LRMDA: variants seen among roughly 807,000 people sequenced by gnomAD.
LRMDA encodes the protein leucine rich melanocyte differentiation associated.
In LRMDA, 18 loss-of-function variants were observed where a neutral mutation model predicts 29.8. The observed-to-expected ratio is 0.60, with a 90% CI of 0.42 to 0.90. The LOEUF is 0.90. LRMDA is among the 40% of genes least tolerant of loss of function. The pLI, the probability that LRMDA is intolerant of heterozygous loss-of-function variation, is 0.00. For missense variants in LRMDA, 273 were observed against 273.9 expected, an observed-to-expected ratio of 1.00 and a Z score of 0.02; for synonymous variants, 125 against 109.4, an observed-to-expected ratio of 1.14 and a Z score of -0.89.
chr10:75,508,612 T>C (rs1196851297), intron 2 of LRMDA, among the ~76,000 whole-genome samples: 1 of 152,208 alleles, frequency 6.6e-6, no homozygotes, highest in East Asian at 1.9e-4. Flanking sequence ...TGATTGATAA[T>C]CTAAGCATTA....
chr10:76,449,259 A>C (rs1489899048), intron 6 of LRMDA, among the ~76,000 whole-genome samples: 2 of 151,838 alleles, frequency 1.3e-5, no homozygotes. Context: ...ACAATTGTAT[A>C]ATATTTTTCA....
rs576837012 is a variant in LRMDA at position 75,618,031 on chromosome 10, A to G, written c.131+179537A>G. ...TGATGAATGTAGAGAAGCTTTGTGAATATCAACACACTGTACTCATCTAAG... is the reference window on the plus strand; with the variant it reads ...TGATGAATGTAGAGAAGCTTTGTGAGTATCAACACACTGTACTCATCTAAG... On this transcript the variant is annotated intron_variant, in intron 2 of 6. Transcript: ENST00000611255. Among the ~76,000 whole-genome samples the G allele has an allele frequency of 4.6e-5, 7 of 152,304 alleles. No homozygotes were observed. The East Asian group carries it at 1.4e-3, about 29-fold the overall frequency.
chr10:76,359,867 T>C (rs1841290033), intron 6 of LRMDA, among the ~76,000 whole-genome samples: 1 of 152,212 alleles, frequency 6.6e-6, no homozygotes, highest in Admixed American at 6.5e-5. Flanking sequence ...AGAGCTTTGC[T>C]TCAAAGTGAA....
intron 6 of LRMDA, among the ~76,000 whole-genome samples, chr10:76,554,611 C>G (rs1461014003): frequency 6.6e-6 from 1 of 152,102 alleles, no homozygotes. Flanking sequence ...GCTTCCAGGC[C>G]CAAAGAAACA....
intron 5 of LRMDA, among the ~76,000 whole-genome samples, chr10:76,321,383 G>A (rs1840768528): frequency 6.6e-6 from 1 of 152,106 alleles, no homozygotes; most frequent in Non-Finnish European, 1.5e-5. Context: ...TATGATGAGT[G>A]GAAAAATCGT....
intron 6 of LRMDA, among the ~76,000 whole-genome samples, chr10:76,487,556 G>T (rs371033471): frequency 4.6e-5 from 7 of 151,964 alleles, no homozygotes; most frequent in African/African-American, 1.4e-4. Context: ...AATTAGACTG[G>T]ATTTGAGTAT....
At chr10:76,396,206 A>C (rs554067665) in intron 6 of LRMDA, among the ~76,000 whole-genome samples, 2 of 152,318 alleles carry the variant, frequency 1.3e-5, no homozygotes, top group African/African-American at 4.8e-5. Context: ...TAGAAACGCT[A>C]CATGGTAGGG....
intron 2 of LRMDA, among the ~76,000 whole-genome samples, chr10:75,932,534 T>C (rs1027529475): frequency 6.6e-6 from 1 of 151,874 alleles, no homozygotes; most frequent in Non-Finnish European, 1.5e-5. Context: ...ATCACTTGAG[T>C]CCAAGAATTC....
chr10:76,456,221 G>C (rs928204414), intron 6 of LRMDA, among the ~76,000 whole-genome samples: 3 of 152,194 alleles, frequency 2.0e-5, no homozygotes, highest in African/African-American at 4.8e-5. Context: ...CTAGAGTGGG[G>C]TGTGTTGAGA....
chr10:75,501,035 C>G (rs1167238040), intron 2 of LRMDA, among the ~76,000 whole-genome samples: 1 of 152,196 alleles, frequency 6.6e-6, no homozygotes, highest in South Asian at 2.1e-4. Flanking sequence ...CACAGACTTT[C>G]CCATTGCAGG....
chr10:76,222,740 A>G (rs1403806068), intron 5 of LRMDA, among the ~76,000 whole-genome samples: 1 of 152,176 alleles, frequency 6.6e-6, no homozygotes, highest in Non-Finnish European at 1.5e-5. Flanking sequence ...TAGAAATACC[A>G]TTTGACCCAG....
chr10:76,355,528 A>G (rs1841228850), intron 6 of LRMDA, among the ~76,000 whole-genome samples: 1 of 152,218 alleles, frequency 6.6e-6, no homozygotes, highest in African/African-American at 2.4e-5. Flanking sequence ...AGTACAAAGG[A>G]CACGTGTGTG....
At chr10:75,510,711 G>C (rs1277115821) in intron 2 of LRMDA, among the ~76,000 whole-genome samples, 1 of 152,178 alleles carries the variant, frequency 6.6e-6, no homozygotes, top group Non-Finnish European at 1.5e-5. Context: ...CTGTGGGGAA[G>C]GAGGAGGCTG....
chr10:75,769,216 C>T (rs1014774874), intron 2 of LRMDA, among the ~76,000 whole-genome samples: 1 of 152,200 alleles, frequency 6.6e-6, no homozygotes, highest in Admixed American at 6.5e-5. Context: ...TTTGTCACTT[C>T]CAGCAAGTTA....
chr10:76,127,912 G>A (rs900269858), intron 5 of LRMDA, among the ~76,000 whole-genome samples: 1 of 151,990 alleles, frequency 6.6e-6, no homozygotes, highest in Non-Finnish European at 1.5e-5. Flanking sequence ...TGATTCACAT[G>A]ATTTAAATCA....
In LRMDA at chr10:75,939,118, A is replaced by G. The variant is rs185017279; in HGVS notation, c.132-96890A>G. 1.3e-4 allele frequency among the ~76,000 whole-genome samples: 20 copies of G among 152,278 alleles called. 1 individual carries two copies. In the East Asian group the frequency reaches 3.9e-3, roughly 29 times the overall value. ...CATGCCAGCTTAACATTCTGTCTCA[A>G]TTATCCTTGTGGTCCTAAAAACATA... On this transcript the variant is annotated intron_variant, in intron 2 of 6. Transcript: ENST00000611255.
intron 6 of LRMDA, among the ~76,000 whole-genome samples, chr10:76,429,843 C>A (rs1842172686): frequency 6.6e-6 from 1 of 152,122 alleles, no homozygotes; most frequent in African/African-American, 2.4e-5. Context: ...AGAAAAGGCG[C>A]CTGCCGAGAT....
chr10:76,494,322 A>G (rs1447072816), intron 6 of LRMDA, among the ~76,000 whole-genome samples: 1 of 131,638 alleles, frequency 7.6e-6, no homozygotes, highest in Non-Finnish European at 1.7e-5. Flanking sequence ...CTCAGGCTAC[A>G]TAGCTTTTTT....
At chr10:76,340,459 T>G (rs1359088506) in intron 6 of LRMDA, among the ~76,000 whole-genome samples, 1 of 128,556 alleles carries the variant, frequency 7.8e-6, no homozygotes, top group Admixed American at 9.9e-5. Flanking sequence ...GAGGTTGCAG[T>G]GAGCCAAGAT....
Sources: allele counts gnomAD v4.1 joint callset (sites outside exome capture counted in the v4.1 genomes callset), GRCh38; gene constraint gnomAD v4.1.1; transcripts MANE v1.5; gene names NCBI Gene and HGNC (gene_info 2026-07-23, HGNC 2026-07-21).